USP34: variants seen among roughly 807,000 people sequenced by gnomAD.
The protein encoded by USP34 is ubiquitin carboxyl-terminal hydrolase 34.
A neutral mutation model predicts 460.3 loss-of-function variants in USP34; 70 were observed. That is an observed-to-expected ratio of 0.15 (90% CI 0.13 to 0.19). The LOEUF (loss-of-function observed/expected upper bound fraction) is 0.19. Ranked by LOEUF, USP34 falls within the 10% of genes least tolerant of loss-of-function variation. The pLI is 1.00. For synonymous variants in USP34, 1,647 were observed against 1,405.3 expected (o/e 1.17, Z -3.85); for missense variants, 3,985 against 4,236.2 (o/e 0.94, Z 1.65).
chr2:61,347,938 A>C lies in USP34; in HGVS notation c.2217T>G (p.Phe739Leu). Residue 739 changes from phenylalanine (F) to leucine (L), a missense_variant, in exon 15 of 80, where the codon TTT becomes TTG. Phe to Leu is a conservative substitution (Grantham distance 22, BLOSUM62 0). This residue lies in a region of USP34 where 716 missense variants were observed against 626.2 expected (regional missense o/e 1.14). Coordinates refer to ENST00000398571, the MANE Select transcript of USP34 (RefSeq NM_014709.4). ...FLGETIGNEL[F>L]NCRQFIGPQH... ...GTGGACCAATAAATTGTCGACAATT[A>C]AATAATTCATTCCCAATAGTCTCCC... is the stretch of plus-strand genomic sequence containing the variant. The C allele has an allele frequency of 6.2e-7, 1 of 1,614,102 alleles. No individual in the cohort carries two copies. The highest frequency in any genetic ancestry group is 8.5e-7 in the Non-Finnish European group (1 of 1,180,026).
intron 1 of USP34, among the ~76,000 whole-genome samples, chr2:61,460,876 G>C (rs111645105): frequency 6.6e-6 from 1 of 151,380 alleles, no homozygotes; most frequent in Admixed American, 6.6e-5. Context: ...CCAGGTACTC[G>C]AGAGGCTGAG....
At chr2:61,309,740 A>G (rs1436612551) in intron 27 of USP34, among the ~76,000 whole-genome samples, 2 of 152,178 alleles carry the variant, frequency 1.3e-5, no homozygotes, top group Admixed American at 6.5e-5. Flanking sequence ...AGCTTAGAAA[A>G]AGAAAATACA....
Position 61,376,809 on chromosome 2 carries a change from A to G in USP34, c.1076+1554T>C, listed in dbSNP as rs1432674291. Among the ~76,000 whole-genome samples, 5 of 152,212 alleles carry G rather than the reference A, an allele frequency of 3.3e-5. No individual in the cohort carries two copies. The East Asian group carries it at 9.7e-4, about 30-fold the overall frequency. On this transcript the variant is annotated intron_variant, in intron 8 of 79. Transcript: ENST00000398571. Reference sequence around the variant, plus strand: ...ATCACAGGCATGCGCCACCACACCTAATTTTTGTATTTACAGTAGAGATGG... The same window carrying G: ...ATCACAGGCATGCGCCACCACACCTGATTTTTGTATTTACAGTAGAGATGG...
chr2:61,454,588 C>T (rs752261426), intron 1 of USP34, among the ~76,000 whole-genome samples: 1 of 152,102 alleles, frequency 6.6e-6, no homozygotes, highest in Non-Finnish European at 1.5e-5. Flanking sequence ...CTCCCTCTGT[C>T]GCCCAGACTA....
At chr2:61,367,861 C>T (rs952645202) in intron 10 of USP34, among the ~76,000 whole-genome samples, 1 of 151,682 alleles carries the variant, frequency 6.6e-6, no homozygotes, top group African/African-American at 2.4e-5. Flanking sequence ...ATCATTAACA[C>T]AATGAAAATA....
At chr2:61,442,267 T>C (rs576240952) in intron 1 of USP34, among the ~76,000 whole-genome samples, 41 of 152,102 alleles carry the variant, frequency 2.7e-4, no homozygotes, top group African/African-American at 9.4e-4. Flanking sequence ...TATGTCAAAC[T>C]ACAAAACTTC....
At chr2:61,203,373 A>G (rs188771203) in intron 74 of USP34, 110 bp from the exon 75 acceptor site, 42 of 1,093,288 alleles carry the variant, frequency 3.8e-5, no homozygotes, top group Non-Finnish European at 4.7e-5. Context: ...TTTATATTCT[A>G]TAAGAACCTA....
At chr2:61,357,466 G>C (rs1692141780) in intron 10 of USP34, among the ~76,000 whole-genome samples, 1 of 151,998 alleles carries the variant, frequency 6.6e-6, no homozygotes, top group Non-Finnish European at 1.5e-5. Flanking sequence ...GTTTACAAAT[G>C]TAAATGTGAA....
Position 61,277,097 on chromosome 2 carries a change from C to T in USP34, c.5433+1068G>A, listed in dbSNP as rs7578280. ...ATATTCAGAGATAGATTTCATGTCACACAGGTCTTTAAAATATGAAACGAG... is the reference window on the plus strand; with the variant it reads ...ATATTCAGAGATAGATTTCATGTCATACAGGTCTTTAAAATATGAAACGAG... On this transcript the variant is annotated intron_variant, in intron 41 of 79. Coordinates refer to ENST00000398571, the MANE Select transcript of USP34 (RefSeq NM_014709.4). Among the ~76,000 whole-genome samples, 1,516 of 152,234 alleles carry T rather than the reference C, an allele frequency of 1.0e-2. 19 individuals are homozygous for T. The highest frequency in any genetic ancestry group is 0.033 in the African/African-American group (1,366 of 41,528).
rs1167555258 is a variant in USP34, at chr2:61,395,772, C to T, written c.553-539G>A. On this transcript the variant is annotated intron_variant, in intron 3 of 79. Transcript: ENST00000398571. Reference sequence around the variant, plus strand: ...CAGCACTCCCGCCTGGGCGACAGAACGAGACTCCGTCTCAAAAAAAAAAAA... The same window carrying T: ...CAGCACTCCCGCCTGGGCGACAGAATGAGACTCCGTCTCAAAAAAAAAAAA... Among the ~76,000 whole-genome samples the T allele has an allele frequency of 3.3e-4, 36 of 108,538 alleles. 1 individual carries two copies. The East Asian group carries it at 7.3e-3, about 22-fold the overall frequency. 71.2% of individuals were successfully genotyped at this position (108,538 alleles called of 152,430 possible).
chr2:61,395,565 G>A (rs962718521), intron 3 of USP34, among the ~76,000 whole-genome samples: 4 of 147,452 alleles, frequency 2.7e-5, no homozygotes, highest in Non-Finnish European at 5.9e-5. Context: ...TTGGGAGGCC[G>A]AGGCGGGCGG....
intron 53 of USP34, among the ~76,000 whole-genome samples, chr2:61,238,620 A>G (rs147748808): frequency 6.6e-6 from 1 of 152,360 alleles, no homozygotes; most frequent in East Asian, 1.9e-4. Context: ...TCTGGTTTAT[A>G]TCTAAAACCA....
At chr2:61,450,270 T>A (rs1695233849) in intron 1 of USP34, among the ~76,000 whole-genome samples, 1 of 152,168 alleles carries the variant, frequency 6.6e-6, no homozygotes, top group African/African-American at 2.4e-5. Context: ...TGTTGCTTCG[T>A]GCTACTGAAA....
intron 14 of USP34, 102 bp from the exon 15 acceptor site, chr2:61,348,582 G>C: frequency 1.4e-6 from 2 of 1,469,600 alleles, no homozygotes; most frequent in Middle Eastern, 1.9e-4. Context: ...TGCCAGTCTT[G>C]TTATACTCCT....
chr2:61,461,717 C>A (rs566674545), intron 1 of USP34, among the ~76,000 whole-genome samples: 1 of 151,990 alleles, frequency 6.6e-6, no homozygotes, highest in African/African-American at 2.4e-5. Context: ...TACACAGGCA[C>A]GACTACGACT....
chr2:61,267,857 C>T (rs1689099211), intron 41 of USP34, among the ~76,000 whole-genome samples: 1 of 152,126 alleles, frequency 6.6e-6, no homozygotes, highest in Non-Finnish European at 1.5e-5. Context: ...ACTTCGTGAT[C>T]CATCTGCCAG....
chr2:61,190,455 T>G (rs760092196), intron 77 of USP34, 41 bp from the exon 78 acceptor site: 1 of 1,603,024 alleles, frequency 6.2e-7, no homozygotes, highest in South Asian at 1.1e-5. Flanking sequence ...AAGACCAGCA[T>G]AATGAAACCA....
rs774707829 is a variant in USP34, at chr2:61,223,287, T to C, written c.7605A>G (p.Thr2535=). 3.1e-6 allele frequency: 5 copies of C among 1,613,730 alleles called. No individual in the cohort carries two copies. In the African/African-American group the frequency reaches 4.0e-5, roughly 13 times the overall value. Residue 2535 remains threonine (T), a synonymous_variant, in exon 63 of 80, where the codon ACA becomes ACG. Coordinates refer to ENST00000398571, the MANE Select transcript of USP34 (RefSeq NM_014709.4). ...ATGCTGCCATGTCAGTCTGTGATAA[T>C]GTCAAATGCCTGAAAGAAAATATTA... ...VEQSRSERHL[T]LSQTDMAALT...
intron 18 of USP34, among the ~76,000 whole-genome samples, chr2:61,336,325 CTA>C (rs962435016): frequency 1.3e-5 from 2 of 151,826 alleles, no homozygotes; most frequent in African/African-American, 4.8e-5. Flanking sequence ...TGGGGTCTTC[CTA>C]TGTTTCCAAG....
Sources: allele counts gnomAD v4.1 joint callset (sites outside exome capture counted in the v4.1 genomes callset), GRCh38; gene constraint gnomAD v4.1.1; regional missense constraint gnomAD v4.1.1; transcripts MANE v1.5; gene names NCBI Gene and HGNC (gene_info 2026-07-23, HGNC 2026-07-21).